The following SYN2 variants were observed in gnomAD, a reference collection of about 807,000 sequenced individuals.
SYN2 encodes the protein synapsin II, also known as synapsin-2.
In SYN2, 19 loss-of-function variants were observed where a neutral mutation model predicts 50.9. The observed-to-expected ratio is 0.37, with a 90% CI of 0.26 to 0.55. The LOEUF (loss-of-function observed/expected upper bound fraction) is 0.55. SYN2 is among the 20% of genes least tolerant of loss of function. The pLI is 0.81. For missense variants in SYN2, 587 were observed against 576.4 expected (o/e 1.02, Z -0.19); for synonymous variants, 255 against 224.9 (o/e 1.13, Z -1.20).
At position 12,175,700 on chromosome 3, in the gene SYN2, G is replaced by A. The variant is rs928578609; in HGVS notation, c.1308+5794G>A. Among the ~76,000 whole-genome samples, 209 of 152,362 alleles carry A rather than the reference G, an allele frequency of 1.4e-3. 1 individual carries two copies. The highest frequency in any genetic ancestry group is 0.013 in the Admixed American group (204 of 15,306). On this transcript the variant is annotated intron_variant, in intron 10 of 12. Transcript: ENST00000621198. ...AGAGGAACACCTAAAATGGGGACAGGGAGCTGGGGCTTGGGGTGAGGATGG... is the reference window on the plus strand; with the variant it reads ...AGAGGAACACCTAAAATGGGGACAGAGAGCTGGGGCTTGGGGTGAGGATGG...
At chr3:12,010,568 A>G (rs144568480) in intron 1 of SYN2, among the ~76,000 whole-genome samples, 124 of 152,352 alleles carry the variant, frequency 8.1e-4, no homozygotes, top group Non-Finnish European at 1.4e-3. Context: ...AAAATGTGCC[A>G]CCATGTATTC....
intron 1 of SYN2, among the ~76,000 whole-genome samples, chr3:12,124,864 G>A (rs1696633163): frequency 6.6e-6 from 1 of 152,068 alleles, no homozygotes; most frequent in Admixed American, 6.5e-5. Context: ...AATAGGATTG[G>A]GGAGGAATAT....
chr3:12,189,648 C>G (rs1161836577), intron 12 of SYN2, among the ~76,000 whole-genome samples: 1 of 152,046 alleles, frequency 6.6e-6, no homozygotes, highest in African/African-American at 2.4e-5. Flanking sequence ...ACTAAAAATA[C>G]AAAAATTAGC....
At chr3:12,088,934 G>T (rs1159202513) in intron 1 of SYN2, among the ~76,000 whole-genome samples, 2 of 152,100 alleles carry the variant, frequency 1.3e-5, no homozygotes, top group Non-Finnish European at 2.9e-5. Flanking sequence ...TTAGACAAGA[G>T]GAATAAGTTA....
intron 1 of SYN2, among the ~76,000 whole-genome samples, chr3:12,043,745 A>G (rs1160376372): frequency 6.6e-6 from 1 of 152,204 alleles, no homozygotes; most frequent in Non-Finnish European, 1.5e-5. Flanking sequence ...GGCCAGACAT[A>G]TCATATGACC....
At chr3:12,058,834 GA>G in intron 1 of SYN2, among the ~76,000 whole-genome samples, 1 of 152,288 alleles carries the variant, frequency 6.6e-6, no homozygotes, top group South Asian at 2.1e-4. Context: ...CTCATCTCCT[GA>G]GAGTCCCTTC....
At chr3:12,066,739 T>C (rs1427893459) in intron 1 of SYN2, among the ~76,000 whole-genome samples, 1 of 152,148 alleles carries the variant, frequency 6.6e-6, no homozygotes, top group East Asian at 1.9e-4. Flanking sequence ...AAGAACCTCT[T>C]TACAAGTGTA....
chr3:12,180,193 C>T (rs567933913), intron 10 of SYN2, among the ~76,000 whole-genome samples: 234 of 151,926 alleles, frequency 1.5e-3, no homozygotes, highest in Admixed American at 3.1e-3. Flanking sequence ...AAGTGATCCA[C>T]GCACCTCGGC....
At chr3:12,060,225 T>A (rs1424940811) in intron 1 of SYN2, among the ~76,000 whole-genome samples, 1 of 152,196 alleles carries the variant, frequency 6.6e-6, no homozygotes, top group Non-Finnish European at 1.5e-5. Flanking sequence ...CACATTTTTA[T>A]AGATTTTACT....
intron 1 of SYN2, among the ~76,000 whole-genome samples, chr3:12,106,272 G>T (rs866900374): frequency 6.6e-6 from 1 of 152,046 alleles, no homozygotes; most frequent in Non-Finnish European, 1.5e-5. Flanking sequence ...TTCCTCTTCC[G>T]TCTCCAGCTG....
At chr3:12,014,910 G>A (rs2125132332) in intron 1 of SYN2, among the ~76,000 whole-genome samples, 1 of 152,238 alleles carries the variant, frequency 6.6e-6, no homozygotes, top group Middle Eastern at 3.4e-3. Context: ...AGCTTTAATT[G>A]TAAACAGTTT....
chr3:12,104,861 A>G (rs1325569586), intron 1 of SYN2, among the ~76,000 whole-genome samples: 1 of 151,926 alleles, frequency 6.6e-6, no homozygotes, highest in Non-Finnish European at 1.5e-5. Flanking sequence ...GAGCCACCGC[A>G]CCTGGCCCAT....
intron 1 of SYN2, among the ~76,000 whole-genome samples, chr3:12,127,959 T>A (rs1386283471): frequency 6.6e-6 from 1 of 152,098 alleles, no homozygotes; most frequent in Admixed American, 6.6e-5. Context: ...TTACATTTTT[T>A]TTTTCAGACA....
At chr3:12,155,505 C>T (rs919326503) in intron 5 of SYN2, among the ~76,000 whole-genome samples, 4 of 152,140 alleles carry the variant, frequency 2.6e-5, no homozygotes, top group African/African-American at 9.7e-5. Flanking sequence ...CAGGGAGACA[C>T]AGCCTGGCAG....
At chr3:12,112,244 G>A (rs1431306846) in intron 1 of SYN2, among the ~76,000 whole-genome samples, 4 of 152,108 alleles carry the variant, frequency 2.6e-5, no homozygotes, top group African/African-American at 9.7e-5. Context: ...GCTATCCCCT[G>A]CCCCATTGTT....
chr3:12,133,502 T>C (rs1696832935), intron 1 of SYN2, among the ~76,000 whole-genome samples: 1 of 152,280 alleles, frequency 6.6e-6, no homozygotes, highest in South Asian at 2.1e-4. Flanking sequence ...TCTGATTTTT[T>C]AAATGTCGTT....
At chr3:12,084,379 C>T (rs1695646123) in intron 1 of SYN2, among the ~76,000 whole-genome samples, 2 of 152,108 alleles carry the variant, frequency 1.3e-5, no homozygotes, top group African/African-American at 4.8e-5. Context: ...ATTCTTTCCT[C>T]CTGGACAGTG....
chr3:12,070,486 A>C, intron 1 of SYN2: 1 of 637,094 alleles, frequency 1.6e-6, no homozygotes, highest in Middle Eastern at 3.4e-4. Flanking sequence ...GACATGAAGA[A>C]GATTTGGCAC....
At chr3:12,106,932 A>AT (rs1696205140) in intron 1 of SYN2, among the ~76,000 whole-genome samples, 1 of 151,800 alleles carries the variant, frequency 6.6e-6, no homozygotes, top group African/African-American at 2.4e-5. Flanking sequence ...TATCTTCAGT[A>AT]TTTTTTCCTC....
Sources: allele counts gnomAD v4.1 joint callset (sites outside exome capture counted in the v4.1 genomes callset), GRCh38; gene constraint gnomAD v4.1.1; transcripts MANE v1.5; gene names NCBI Gene and HGNC (gene_info 2026-07-23, HGNC 2026-07-21).